LTC4S: variants seen among roughly 807,000 people sequenced by gnomAD.
LTC4S encodes the protein leukotriene C4 synthase.
LTC4S carries 18 observed loss-of-function variants against 19.6 expected under a neutral mutation model. That is an observed-to-expected ratio of 0.92 (90% confidence interval 0.64 to 1.36). LTC4S has a LOEUF of 1.36. LTC4S is among the 40% of genes most tolerant of loss of function. LTC4S has a pLI of 0.00. For synonymous variants in LTC4S, 126 were observed against 110.1 expected, an observed-to-expected ratio of 1.14 and a Z score of -0.91; for missense variants, 235 against 212.2, an observed-to-expected ratio of 1.11 and a Z score of -0.67.
chr5:179,794,042 G>A lies in LTC4S; in HGVS notation c.-39G>A, dbSNP rs564093147. 5.1e-5 allele frequency: 83 copies of A among 1,613,062 alleles called. No individual in the cohort carries two copies. The highest frequency in any genetic ancestry group is 3.1e-4 in the African/African-American group (23 of 74,902). On this transcript the variant is annotated 5_prime_UTR_variant, in exon 1 of 5. Coordinates refer to ENST00000292596, the MANE Select transcript of LTC4S (RefSeq NM_145867.2). ...GACGGGGCTAAGCGTTCCCCAGCTC[G>A]CCTTCACACACAGCCCGTGCCACCA...
chr5:179,795,217 C>T (rs1435885529), intron 1 of LTC4S: 3 of 362,266 alleles, frequency 8.3e-6, no homozygotes, highest in Non-Finnish European at 1.4e-5. Flanking sequence ...GGCCAGGGAC[C>T]TGAAAGCTGC....
chr5:179,794,273 G>A, intron 1 of LTC4S, 135 bp downstream of exon 1: 1 of 1,103,424 alleles, frequency 9.1e-7, no homozygotes, highest in Non-Finnish European at 1.3e-6. Context: ...GGGACTTTCA[G>A]GGAACTGGGG....
In LTC4S at chr5:179,796,598, G is replaced by A. The variant is rs1015820651; in HGVS notation, c.*204G>A. On this transcript the variant is annotated 3_prime_UTR_variant, in exon 5 of 5. Transcript: ENST00000292596. ...GGCCCAGCCCGAGTCCGGGCAGCCC[G>A]GGGCGGGCTTCCTAGTGGCGGCGTG... 8 of 715,880 alleles carry A rather than the reference G, an allele frequency of 1.1e-5. No homozygotes were observed. Among genetic ancestry groups the A allele is most frequent in the African/African-American group, 3.8e-5 (2 of 53,096 alleles). The allele number at this position is 715,880 out of a possible 1,614,324, so 44.3% of individuals were successfully genotyped here.
chr5:179,794,893 C>T (rs1756558834), intron 1 of LTC4S, among the ~76,000 whole-genome samples: 1 of 152,200 alleles, frequency 6.6e-6, no homozygotes, highest in Admixed American at 6.5e-5. Context: ...TTAGGGCCAG[C>T]CCACCCTCTG....
At chr5:179,796,112 C>T (rs906508088) in intron 4 of LTC4S, 90 bp downstream of exon 4, 14 of 1,308,404 alleles carry the variant, frequency 1.1e-5, no homozygotes, top group Non-Finnish European at 1.4e-5. Context: ...TGGGGGCGGG[C>T]GACGGGCCGG....
intron 4 of LTC4S, 68 bp downstream of exon 4, chr5:179,796,090 C>T (rs1756612612): frequency 3.7e-6 from 5 of 1,365,760 alleles, no homozygotes; most frequent in Admixed American, 5.4e-5. Context: ...TCCTGGGGAG[C>T]GGGACCGAAG....
intron 1 of LTC4S, 77 bp from the exon 2 acceptor site, chr5:179,795,507 A>G: frequency 2.6e-6 from 4 of 1,538,270 alleles, no homozygotes; most frequent in Non-Finnish European, 2.6e-6. Flanking sequence ...GAAGGGCCAG[A>G]TTGCAGGATC....
In LTC4S at chr5:179,796,333, T is replaced by TCCC; in HGVS notation, c.393_395dup (p.Pro132dup). On this transcript the variant is annotated inframe_insertion, in exon 5 of 5. Coordinates refer to ENST00000292596, the MANE Select transcript of LTC4S (RefSeq NM_145867.2). ...GCGCTCGGCCTGCTCGCCCACTTCC[T>TCCC]CCCGGCCGCGCTGCGCGCCGCGCTC... The TCCC allele has an allele frequency of 6.7e-7, 1 of 1,487,452 alleles. No homozygotes were observed. Among genetic ancestry groups the TCCC allele is most frequent in the Non-Finnish European group, 8.9e-7 (1 of 1,126,466 alleles). 92.1% of individuals were successfully genotyped at this position (1,487,452 alleles called of 1,614,324 possible).
intron 4 of LTC4S, 31 bp downstream of exon 4, chr5:179,796,053 C>G: frequency 8.3e-7 from 1 of 1,198,136 alleles, no homozygotes; most frequent in Non-Finnish European, 1.1e-6. Context: ...GGGGCGGGGC[C>G]GGGGAAAGAT....
intron 1 of LTC4S, chr5:179,795,304 G>T: frequency 8.3e-7 from 1 of 1,198,072 alleles, no homozygotes; most frequent in Non-Finnish European, 1.1e-6. Context: ...AGGTGTCCCT[G>T]TGCCTGAATC....
intron 1 of LTC4S, 29 bp from the exon 2 acceptor site, chr5:179,795,555 C>G: frequency 2.5e-6 from 4 of 1,591,144 alleles, no homozygotes; most frequent in Non-Finnish European, 3.4e-6. Flanking sequence ...GGTGTCCAGA[C>G]CTGACTCCCG....
chr5:179,796,318 TG>T lies in LTC4S; in HGVS notation c.378del (p.Leu127SerfsTer54). On this transcript the variant is annotated frameshift_variant, in exon 5 of 5. Coordinates refer to ENST00000292596, the MANE Select transcript of LTC4S (RefSeq NM_145867.2). LOFTEE classifies it high-confidence loss of function. The stretch of plus-strand genomic sequence containing the variant: ...CTGGTGGCGCTGGCTGCGCTCGGCC[TG>T]CTCGCCCACTTCCTCCCGGCCGCGC... ...WLLVALAALG[L>X]LAHFLPAALR... 6.7e-7 allele frequency: 1 copy of T among 1,484,770 alleles called. No individual in the cohort carries two copies. Among genetic ancestry groups the T allele is most frequent in the East Asian group, 2.8e-5 (1 of 35,146 alleles). The allele number at this position is 1,484,770 out of a possible 1,614,324, so 92.0% of individuals were successfully genotyped here.
At chr5:179,794,847 C>A (rs1234441741) in intron 1 of LTC4S, among the ~76,000 whole-genome samples, 2 of 152,224 alleles carry the variant, frequency 1.3e-5, no homozygotes, top group Non-Finnish European at 2.9e-5. Context: ...CTGGCCTCAC[C>A]TGACCAAGAG....
intron 4 of LTC4S, 31 bp downstream of exon 4, chr5:179,796,053 C>T (rs915295627): frequency 1.4e-4 from 173 of 1,198,036 alleles, no homozygotes; most frequent in Middle Eastern, 3.1e-4. Context: ...GGGGCGGGGC[C>T]GGGGAAAGAT....
rs988709703 is a variant in LTC4S, at chr5:179,796,631, C to T, written c.*237C>T. 7 of 495,524 alleles carry T rather than the reference C, an allele frequency of 1.4e-5. No individual in the cohort carries two copies. Among genetic ancestry groups the T allele is most frequent in the Non-Finnish European group, 2.3e-5 (7 of 302,672 alleles). The allele number at this position is 495,524 out of a possible 1,614,324, so 30.7% of individuals were successfully genotyped here. A position where few individuals can be genotyped will look rare whatever the true frequency, so the allele number is the denominator to read the frequency against. ...CTTCCTAGTGGCGGCGTGAGAGTGG[C>T]TGCGAAGGAACGAGCCCTCCCCCTG... On this transcript the variant is annotated 3_prime_UTR_variant, in exon 5 of 5. Transcript: ENST00000292596.
chr5:179,796,402 G>GC lies in LTC4S; in HGVS notation c.*13dup. ...CTGCTGCCGTGGGCCTGAGACCAAGGCCCCCGGGCCGACGGAGCCGGGAAA... is the reference window on the plus strand; with the variant it reads ...CTGCTGCCGTGGGCCTGAGACCAAGGCCCCCCGGGCCGACGGAGCCGGGAAA... On this transcript the variant is annotated 3_prime_UTR_variant, in exon 5 of 5. Transcript: ENST00000292596. 2 of 1,483,166 alleles carry GC rather than the reference G, an allele frequency of 1.3e-6. No homozygotes were observed. Among genetic ancestry groups the GC allele is most frequent in the Admixed American group, 2.3e-5 (1 of 43,764 alleles). The allele number at this position is 1,483,166 out of a possible 1,614,324, so 91.9% of individuals were successfully genotyped here.
chr5:179,796,214 G>C, intron 4 of LTC4S, 39 bp from the exon 5 acceptor site: 1 of 1,392,140 alleles, frequency 7.2e-7, no homozygotes, highest in Non-Finnish European at 9.4e-7. Flanking sequence ...GAAGAAGCGG[G>C]CCTCCTCGCG....
rs542702448 is a variant in LTC4S at position 179,795,651 on chromosome 5, C to T, written c.126C>T (p.Gly42=). Residue 42 remains glycine, a synonymous_variant, in exon 2 of 5, where the codon GGC becomes GGT. Coordinates refer to ENST00000292596, the MANE Select transcript of LTC4S (RefSeq NM_145867.2). ...GCGTGTCGCCGCCGCTCACCACCGGCCCACCCGAGTTCGAGCGCGTCTACC... is the reference window on the plus strand; with the variant it reads ...GCGTGTCGCCGCCGCTCACCACCGGTCCACCCGAGTTCGAGCGCGTCTACC... ...AFRVSPPLTT[G]PPEFERVYRA... 3 of 1,608,900 alleles carry T rather than the reference C, an allele frequency of 1.9e-6. No individual in the cohort carries two copies. The highest frequency in any genetic ancestry group is 2.7e-5 in the African/African-American group (2 of 74,882).
rs747953529 is a variant in LTC4S, at chr5:179,794,146, G to A, written c.58+8G>A. ...TGGGAGTCCTGCTGCAAGGTGGGCT[G>A]GTTCCTATCTAGGAAGAGGGTGGGC... On this transcript the variant is annotated splice_region_variant and intron_variant, in intron 1 of 4. Coordinates refer to ENST00000292596, the MANE Select transcript of LTC4S (RefSeq NM_145867.2). The A allele has an allele frequency of 1.9e-6, 3 of 1,613,184 alleles. No homozygotes were observed. Among genetic ancestry groups the A allele is most frequent in the East Asian group, 2.2e-5 (1 of 44,900 alleles).
Sources: allele counts gnomAD v4.1 joint callset (sites outside exome capture counted in the v4.1 genomes callset), GRCh38; gene constraint gnomAD v4.1.1; transcripts MANE v1.5; gene names NCBI Gene and HGNC (gene_info 2026-07-23, HGNC 2026-07-21).